Variants in PTCH1 observed in about 807,000 individuals in gnomAD.
PTCH1 encodes patched 1.
A neutral mutation model predicts 144.6 loss-of-function variants in PTCH1; 14 were observed. The ratio of observed to expected loss-of-function variants is 0.10; its 90% confidence interval spans 0.06 to 0.15. The LOEUF (loss-of-function observed/expected upper bound fraction) is 0.15, where lower values mean the gene tolerates loss of function less well. Among genes scored for constraint, PTCH1 ranks in the 10% least tolerant of loss-of-function variants. The pLI is 1.00. For synonymous variants in PTCH1, 833 were observed against 793.6 expected, an observed-to-expected ratio of 1.05 and a Z score of -0.83; for missense variants, 1,623 against 1,948.3, an observed-to-expected ratio of 0.83 and a Z score of 3.14.
At chr9:95,507,806 G>T in intron 1 of PTCH1, 1 of 501,206 alleles carries the variant, frequency 2.0e-6, no homozygotes, top group Non-Finnish European at 2.8e-6. Context: ...TCAGGGCAGG[G>T]GGCACGGGGC....
intron 2 of PTCH1, among the ~76,000 whole-genome samples, chr9:95,487,770 G>C (rs1378007148): frequency 7.9e-5 from 12 of 152,148 alleles, no homozygotes; most frequent in Admixed American, 7.9e-4. Flanking sequence ...CATGCACGTG[G>C]TTTTTCATTC....
chr9:95,463,718 CGTTAGA>C (rs1286542381), intron 15 of PTCH1, among the ~76,000 whole-genome samples: 1 of 152,024 alleles, frequency 6.6e-6, no homozygotes, highest in African/African-American at 2.4e-5. Context: ...GGGACAGCCC[CGTTAGA>C]GTTAATCACT....
intron 2 of PTCH1, among the ~76,000 whole-genome samples, chr9:95,487,949 G>C (rs921609490): frequency 6.6e-6 from 1 of 152,214 alleles, no homozygotes; most frequent in Non-Finnish European, 1.5e-5. Flanking sequence ...CCTGGCTTCA[G>C]CAAGATTCTG....
In PTCH1 at chr9:95,516,952, C is replaced by T. The variant is rs118133906; in HGVS notation, c.-481G>A. The T allele has an allele frequency of 0.013, 9,684 of 725,464 alleles. 85 individuals are homozygous for T. Among genetic ancestry groups the T allele is most frequent in the South Asian group, 0.017 (764 of 45,534 alleles). 44.9% of individuals were successfully genotyped at this position (725,464 alleles called of 1,614,324 possible). A position where few individuals can be genotyped will look rare whatever the true frequency, so the allele number is the denominator to read the frequency against. ...AAACTCGAGGAACGTGCTATCAGCA[C>T]AGCCCTCCTGGGTAAACAGGCGCTC... On this transcript the variant is annotated 5_prime_UTR_variant, in exon 1 of 23. Transcript: ENST00000430669.
exon 1 of PTCH1, chr9:95,516,776 G>C (rs1401346831): frequency 1.2e-6 from 2 of 1,612,750 alleles, no homozygotes; most frequent in Non-Finnish European, 1.7e-6. Flanking sequence ...GCGGAGTGCA[G>C]CGCGGACTCA....
Position 95,457,922 on chromosome 9 carries a change from G to A in PTCH1, c.3168+91C>T, listed in dbSNP as rs959616662. On this transcript the variant is annotated intron_variant, in intron 18 of 23. Transcript: ENST00000331920. ...ATGATGCAAGCTATACCCTCCTCCA[G>A]AGGCCCAGACATAAACAAAACTTCC... 9 of 1,527,046 alleles carry A rather than the reference G, an allele frequency of 5.9e-6. No individual in the cohort carries two copies. In the African/African-American group the frequency reaches 1.2e-4, roughly 21 times the overall value. The allele number at this position is 1,527,046 out of a possible 1,614,324, so 94.6% of individuals were successfully genotyped here.
At chr9:95,513,611 C>A (rs1280569168), upstream of PTCH1, among the ~76,000 whole-genome samples, 1 of 152,124 alleles carries the variant, frequency 6.6e-6, no homozygotes, top group Non-Finnish European at 1.5e-5. Context: ...CCATCCACCA[C>A]ATTTTCTTGG....
rs766536174 is a variant in PTCH1 at position 95,508,235 on chromosome 9, C to G, written c.127G>C (p.Ala43Pro). Residue 43 changes from alanine to proline, a missense_variant, in exon 1 of 24, where the codon GCC (alanine) becomes CCC (proline). Transcript: ENST00000331920. ...TGCAGATAGTCCCGGTCCGGCGCGGCAGCACGGCGCAGCCCCCCCGTCCGT... is the reference window on the plus strand; with the variant it reads ...TGCAGATAGTCCCGGTCCGGCGCGGGAGCACGGCGCAGCCCCCCCGTCCGT... ...RRRTGGLRRA[A>P]APDRDYLHRP... is the part of the protein sequence containing the mutation. 1 of 1,608,730 alleles carries G rather than the reference C, an allele frequency of 6.2e-7. No individual in the cohort carries two copies. Among genetic ancestry groups the G allele is most frequent in the South Asian group, 1.1e-5 (1 of 90,882 alleles).
intron 13 of PTCH1, 68 bp downstream of exon 13, chr9:95,469,745 G>T: frequency 7.1e-7 from 1 of 1,401,622 alleles, no homozygotes; most frequent in Non-Finnish European, 1.0e-6. Context: ...AAGTCCACAG[G>T]CTGAAAGAGT....
At chr9:95,505,805 T>C (rs1463357386) in intron 2 of PTCH1, among the ~76,000 whole-genome samples, 1 of 151,508 alleles carries the variant, frequency 6.6e-6, no homozygotes, top group Non-Finnish European at 1.5e-5. Flanking sequence ...TTGAGACAAA[T>C]GTTTTTTTCC....
At chr9:95,505,143 T>C (rs1399551732) in intron 2 of PTCH1, among the ~76,000 whole-genome samples, 2 of 152,192 alleles carry the variant, frequency 1.3e-5, no homozygotes, top group Admixed American at 6.5e-5. Context: ...CACCCCAGGC[T>C]TGCAAAACTC....
intron 12 of PTCH1, 149 bp from the exon 13 acceptor site, chr9:95,470,080 T>C: frequency 1.4e-6 from 1 of 714,934 alleles, no homozygotes; most frequent in African/African-American, 1.7e-5. Context: ...AGAGTTTCTT[T>C]TGCTACATCA....
Position 95,485,371 on chromosome 9 carries a change from A to G in PTCH1, c.584+314T>C, listed in dbSNP as rs567760391. Among the ~76,000 whole-genome samples, 50 of 152,194 alleles carry G rather than the reference A, an allele frequency of 3.3e-4. No individual in the cohort carries two copies. In the South Asian group the frequency reaches 9.8e-3, roughly 30 times the overall value. ...GCAATTCAAAATATCACTCTCCAAAAATCTCTTAAGCAATGAAACATCTTA... is the reference window on the plus strand; with the variant it reads ...GCAATTCAAAATATCACTCTCCAAAGATCTCTTAAGCAATGAAACATCTTA... On this transcript the variant is annotated intron_variant, in intron 3 of 23. Transcript: ENST00000331920.
chr9:95,457,698 TAAAG>T (rs777822281), intron 18 of PTCH1, among the ~76,000 whole-genome samples: 14 of 152,060 alleles, frequency 9.2e-5, no homozygotes, highest in East Asian at 1.9e-4. Context: ...ACTTTTCAAT[TAAAG>T]AAAAAATGAG....
chr9:95,499,073 C>T (rs1242530223), intron 2 of PTCH1, among the ~76,000 whole-genome samples: 1 of 152,150 alleles, frequency 6.6e-6, no homozygotes, highest in Non-Finnish European at 1.5e-5. Context: ...GCTAGGGAAC[C>T]CAGTTCTTCC....
At position 95,504,048 on chromosome 9, in the gene PTCH1, A is replaced by T; in HGVS notation, c.394+2359T>A. On this transcript the variant is annotated intron_variant, in intron 2 of 23. Coordinates refer to ENST00000331920, the MANE Select transcript of PTCH1 (RefSeq NM_000264.5). ...AAAAAAAAAAAAAAAAAAAAAAAAA[A>T]AAAAAAAAAAAAAAAAGATAATAAT... 3.6e-5 allele frequency among the ~76,000 whole-genome samples: 2 copies of T among 55,136 alleles called. 1 individual carries two copies. The highest frequency in any genetic ancestry group is 3.1e-4 in the African/African-American group (2 of 6,502). 36.2% of individuals were successfully genotyped at this position (55,136 alleles called of 152,430 possible).
intron 10 of PTCH1, 144 bp from the exon 11 acceptor site, chr9:95,477,001 G>A (rs1841095691): frequency 8.8e-6 from 7 of 792,944 alleles, no homozygotes; most frequent in East Asian, 2.7e-5. Context: ...TTCACTTGAC[G>A]TCCCAAAGCC....
At chr9:95,469,320 C>T in intron 13 of PTCH1, 167 bp from the exon 14 acceptor site, 1 of 953,352 alleles carries the variant, frequency 1.0e-6, no homozygotes, top group South Asian at 1.5e-5. Context: ...TTGATAACAT[C>T]ACCTGGTTCA....
intron 1 of PTCH1, chr9:95,507,456 A>G (rs1564090176): frequency 2.0e-6 from 2 of 983,242 alleles, no homozygotes; most frequent in East Asian, 1.1e-4. Context: ...CGTAAACACA[A>G]TGAACCCGGC....
Sources: gnomAD v4.1 joint callset for allele counts (sites outside exome capture counted in the v4.1 genomes callset) on GRCh38, gnomAD v4.1.1 for gene constraint, MANE v1.5 for transcripts, NCBI Gene and HGNC (gene_info 2026-07-23, HGNC 2026-07-21) for gene names.